CHD1: variants seen among roughly 807,000 people sequenced by gnomAD.
CHD1 encodes ATP-dependent chromatin remodeler CHD1.
In CHD1, 36 loss-of-function variants were observed where a neutral mutation model predicts 224.2. The observed-to-expected ratio is 0.16, with a 90% CI of 0.12 to 0.21. The LOEUF (loss-of-function observed/expected upper bound fraction) is 0.21. Ranked by LOEUF, CHD1 falls within the 10% of genes least tolerant of loss-of-function variation. The pLI is 1.00. For missense variants in CHD1, 1,378 were observed against 1,994.8 expected (o/e 0.69, Z 5.89); for synonymous variants, 668 against 658.3 (o/e 1.01, Z -0.23).
At chr5:98,892,778 C>G in intron 14 of CHD1, 65 bp from the exon 15 acceptor site, 1 of 959,412 alleles carries the variant, frequency 1.0e-6, no homozygotes, top group Non-Finnish European at 1.4e-6. Flanking sequence ...TGTGTATGAA[C>G]TTTTTTTTTT....
At chr5:98,922,963 T>G (rs1753202639) in intron 2 of CHD1, among the ~76,000 whole-genome samples, 1 of 151,862 alleles carries the variant, frequency 6.6e-6, no homozygotes, top group Non-Finnish European at 1.5e-5. Flanking sequence ...CACTGCAGCC[T>G]GGGCGACAGA....
At position 98,889,231 on chromosome 5, in the gene CHD1, A is replaced by G; in HGVS notation, c.2188T>C (p.Leu730=). 6.4e-7 allele frequency: 1 copy of G among 1,569,998 alleles called. No individual in the cohort carries two copies. The highest frequency in any genetic ancestry group is 2.2e-5 in the East Asian group (1 of 44,616). ...CTGAGGGCTTTGTAATTCCTAGTTAAAATCCATCTTAAAAAAAAAAATTAT... is the reference window on the plus strand; with the variant it reads ...CTGAGGGCTTTGTAATTCCTAGTTAGAATCCATCTTAAAAAAAAAAATTAT... ...ALQKQYYKWI[L]TRNYKALSKG... Residue 730 remains leucine (L), a synonymous_variant, in exon 16 of 36, where the codon TTA becomes CTA. Coordinates refer to ENST00000614616, the MANE Select transcript of CHD1 (RefSeq NM_001270.4).
chr5:98,858,791 T>C (rs373976395), intron 34 of CHD1, 173 bp downstream of exon 34: 4 of 464,814 alleles, frequency 8.6e-6, no homozygotes, highest in Non-Finnish European at 3.8e-6. Context: ...TTTAAGAGAA[T>C]ACATTTTACA....
intron 23 of CHD1, among the ~76,000 whole-genome samples, chr5:98,879,327 A>AAC (rs944680093): frequency 1.2e-4 from 19 of 152,078 alleles, no homozygotes; most frequent in East Asian, 1.9e-4. Flanking sequence ...TGAAATTAAA[A>AAC]ACACACACAC....
At chr5:98,876,718 C>A (rs1749790158) in intron 23 of CHD1, among the ~76,000 whole-genome samples, 160 bp from the exon 24 acceptor site, 1 of 152,150 alleles carries the variant, frequency 6.6e-6, no homozygotes, top group South Asian at 2.1e-4. Context: ...AAAATATATA[C>A]CTCTGGTGGA....
intron 31 of CHD1, among the ~76,000 whole-genome samples, chr5:98,867,799 T>G (rs1561485130): frequency 6.9e-6 from 1 of 144,506 alleles, no homozygotes; most frequent in Non-Finnish European, 1.5e-5. Flanking sequence ...TTCCTTGTTT[T>G]TTTTTTTTTT....
intron 22 of CHD1, among the ~76,000 whole-genome samples, chr5:98,880,276 G>A (rs780145851): frequency 3.9e-5 from 6 of 152,144 alleles, no homozygotes; most frequent in Non-Finnish European, 7.4e-5. Flanking sequence ...AGTGGCTCAC[G>A]CCTGTGATTC....
At chr5:98,917,852 T>C (rs564192360) in intron 2 of CHD1, among the ~76,000 whole-genome samples, 1 of 152,274 alleles carries the variant, frequency 6.6e-6, no homozygotes, top group African/African-American at 2.4e-5. Context: ...CCTCATACCA[T>C]AGTGATACAT....
intron 18 of CHD1, 37 bp downstream of exon 18, chr5:98,885,541 C>A: frequency 1.6e-6 from 2 of 1,240,728 alleles, no homozygotes; most frequent in South Asian, 1.3e-5. Flanking sequence ...GATACTAAAT[C>A]AAAATTATTT....
intron 4 of CHD1, among the ~76,000 whole-genome samples, chr5:98,903,354 C>T (rs1413320973): frequency 6.6e-6 from 1 of 152,014 alleles, no homozygotes; most frequent in East Asian, 1.9e-4. Context: ...TACATGTATG[C>T]ATGCTTGCAC....
intron 5 of CHD1, 150 bp downstream of exon 5, chr5:98,902,750 A>G: frequency 2.0e-6 from 1 of 503,336 alleles, no homozygotes; most frequent in Non-Finnish European, 3.5e-6. Flanking sequence ...TTATCTTTAA[A>G]TTGTGTAATG....
chr5:98,926,854 A>G (rs1753491876), intron 1 of CHD1, among the ~76,000 whole-genome samples: 1 of 147,310 alleles, frequency 6.8e-6, no homozygotes. Context: ...ACGATGTAAC[A>G]TATGCATACA....
chr5:98,882,710 A>C (rs771750411), intron 19 of CHD1, among the ~76,000 whole-genome samples: 17 of 152,326 alleles, frequency 1.1e-4, no homozygotes, highest in Non-Finnish European at 2.1e-4. Flanking sequence ...TTACATGTGG[A>C]GAATCTTGTA....
intron 22 of CHD1, 39 bp downstream of exon 22, chr5:98,881,037 A>C: frequency 2.6e-6 from 3 of 1,150,550 alleles, no homozygotes; most frequent in Non-Finnish European, 3.9e-6. Flanking sequence ...AATTCCTCTC[A>C]ATTTATGTAA....
chr5:98,881,252 C>CTTT (rs11295695), intron 21 of CHD1, 27 bp downstream of exon 21: 604 of 674,934 alleles, frequency 8.9e-4, no homozygotes, highest in South Asian at 2.8e-3. Flanking sequence ...TGAGGCAGGC[C>CTTT]TTTTTTTTTT....
chr5:98,924,533 G>A (rs161950), intron 2 of CHD1, among the ~76,000 whole-genome samples: 39,968 of 152,178 alleles, frequency 0.26, 5,628 homozygotes, highest in African/African-American at 0.34. Context: ...CATCAACTCA[G>A]GTTGTATAAC....
chr5:98,914,613 T>C (rs1459666044), intron 2 of CHD1, among the ~76,000 whole-genome samples: 4 of 152,206 alleles, frequency 2.6e-5, no homozygotes, highest in African/African-American at 7.2e-5. Context: ...CAATTACATG[T>C]ATGGTTTTAT....
At chr5:98,903,101 TTTATG>T (rs1411059811) in intron 4 of CHD1, 137 bp from the exon 5 acceptor site, 2 of 510,724 alleles carry the variant, frequency 3.9e-6, no homozygotes, top group African/African-American at 4.1e-5. Context: ...TGTAGTTTTA[TTTATG>T]TTAACTAGCT....
At position 98,879,714 on chromosome 5, in the gene CHD1, T is replaced by A; in HGVS notation, c.3075A>T (p.Ser1025=). 6.3e-7 allele frequency: 1 copy of A among 1,593,554 alleles called. No homozygotes were observed. ...ACTCAATGTCATCCTCATCCATATT[T>A]GAGAAGTTGGCAACCTGATAAATTT... ...LLSQFKVANF[S]NMDEDDIELE... Residue 1025 remains serine, a synonymous_variant, in exon 23 of 36, where the codon TCA becomes TCT. Coordinates refer to ENST00000614616, the MANE Select transcript of CHD1 (RefSeq NM_001270.4).
Sources: gnomAD v4.1 joint callset for allele counts (sites outside exome capture counted in the v4.1 genomes callset) on GRCh38, gnomAD v4.1.1 for gene constraint, MANE v1.5 for transcripts, NCBI Gene and HGNC (gene_info 2026-07-23, HGNC 2026-07-21) for gene names.